VPS35: variants seen among roughly 807,000 people sequenced by gnomAD.
VPS35 encodes the protein vacuolar protein sorting-associated protein 35.
A neutral mutation model predicts 98.1 loss-of-function variants in VPS35; 21 were observed. The ratio of observed to expected loss-of-function variants is 0.21; its 90% CI spans 0.15 to 0.31. The LOEUF (loss-of-function observed/expected upper bound fraction) is 0.31, where lower values mean the gene tolerates loss of function less well. Among genes scored for constraint, VPS35 ranks in the 10% least tolerant of loss-of-function variants. The pLI is 1.00. For missense variants in VPS35, 554 were observed against 950.8 expected, an observed-to-expected ratio of 0.58 and a Z score of 5.49; for synonymous variants, 268 against 318.2, an observed-to-expected ratio of 0.84 and a Z score of 1.68.
chr16:46,674,729 ATCTTATTCTTTAT>A, intron 8 of VPS35, 69 bp from the exon 9 acceptor site: 2 of 1,271,268 alleles, frequency 1.6e-6, no homozygotes, highest in Admixed American at 4.7e-5. Flanking sequence ...CATGGATGAC[ATCTTATTCTTTAT>A]TGCTTTTCTA....
At chr16:46,681,316 A>T in intron 4 of VPS35, 61 bp downstream of exon 4, 5 of 1,607,880 alleles carry the variant, frequency 3.1e-6, no homozygotes, top group Non-Finnish European at 4.3e-6. Flanking sequence ...GATAATCATA[A>T]AAGACGTAAC....
At chr16:46,665,828 T>C (rs377121681) in intron 13 of VPS35, among the ~76,000 whole-genome samples, 3 of 152,318 alleles carry the variant, frequency 2.0e-5, no homozygotes, top group East Asian at 3.9e-4. Flanking sequence ...TCTCCCTCTG[T>C]CACCCAGGCT....
chr16:46,671,293 T>C (rs981435630), intron 12 of VPS35, among the ~76,000 whole-genome samples: 1 of 152,192 alleles, frequency 6.6e-6, no homozygotes, highest in African/African-American at 2.4e-5. Flanking sequence ...AAGCAATACA[T>C]AGTTCAGAAA....
At position 46,656,731 on chromosome 16, in the gene VPS35, G is replaced by C. The variant is rs1965847155; in HGVS notation, c.*3741C>G. 6.6e-6 allele frequency: 1 copy of C among 152,318 alleles called. No homozygotes were observed. The highest frequency in any genetic ancestry group is 2.4e-5 in the African/African-American group (1 of 41,442). The allele number at this position is 152,318 out of a possible 1,614,324, so 9.4% of individuals were successfully genotyped here. On this transcript the variant is annotated 3_prime_UTR_variant, in exon 17 of 17. Transcript: ENST00000299138. ...GTGGTACAATATACAATCTGGCTGG[G>C]CAAGGTGGCTCATGCCTGTAATTCC...
intron 5 of VPS35, 44 bp downstream of exon 5, chr16:46,680,627 A>G: frequency 1.3e-6 from 2 of 1,595,406 alleles, no homozygotes; most frequent in Non-Finnish European, 1.7e-6. Context: ...ACATTCTACA[A>G]TGAAAGAAAT....
intron 14 of VPS35, 25 bp from the exon 15 acceptor site, chr16:46,662,507 C>T: frequency 6.2e-7 from 1 of 1,611,980 alleles, no homozygotes; most frequent in Non-Finnish European, 8.5e-7. Context: ...GCAGAAAGGA[C>T]TTTCAAGGAC....
chr16:46,660,366 A>G lies in VPS35; in HGVS notation c.*106T>C. 1 of 1,425,188 alleles carries G rather than the reference A, an allele frequency of 7.0e-7. No individual in the cohort carries two copies. The highest frequency in any genetic ancestry group is 9.8e-7 in the Non-Finnish European group (1 of 1,023,070). 88.3% of individuals were successfully genotyped at this position (1,425,188 alleles called of 1,614,324 possible). A position where few individuals can be genotyped will look rare whatever the true frequency, so the allele number is the denominator to read the frequency against. ...ACACATCACAGGTAAGAAATGGGAAACCTACCTCAGCATTTCTGAAAGGCA... is the reference window on the plus strand; with the variant it reads ...ACACATCACAGGTAAGAAATGGGAAGCCTACCTCAGCATTTCTGAAAGGCA... On this transcript the variant is annotated 3_prime_UTR_variant, in exon 17 of 17. Transcript: ENST00000299138.
chr16:46,660,336 G>A lies in VPS35; in HGVS notation c.*136C>T. 2 of 1,089,084 alleles carry A rather than the reference G, an allele frequency of 1.8e-6. No homozygotes were observed. The highest frequency in any genetic ancestry group is 2.7e-6 in the Non-Finnish European group (2 of 733,700). 67.5% of individuals were successfully genotyped at this position (1,089,084 alleles called of 1,614,324 possible). A position where few individuals can be genotyped will look rare whatever the true frequency, so the allele number is the denominator to read the frequency against. ...GAAGGTGAGTGTCCGGAGGTGCTGGGTAAAACACATCACAGGTAAGAAATG... is the reference window on the plus strand; with the variant it reads ...GAAGGTGAGTGTCCGGAGGTGCTGGATAAAACACATCACAGGTAAGAAATG... On this transcript the variant is annotated 3_prime_UTR_variant, in exon 17 of 17. Transcript: ENST00000299138.
chr16:46,688,170 T>C, intron 1 of VPS35: 1 of 346,128 alleles, frequency 2.9e-6, no homozygotes, highest in Non-Finnish European at 4.1e-6. Context: ...AAGTGAAATC[T>C]GTTTCCAGGC....
At chr16:46,664,006 T>C (rs949153882) in intron 13 of VPS35, among the ~76,000 whole-genome samples, 1 of 150,958 alleles carries the variant, frequency 6.6e-6, no homozygotes, top group Admixed American at 6.6e-5. Flanking sequence ...CCATCACACC[T>C]GGCTGATAAT....
chr16:46,668,221 CCT>C (rs1966017051), intron 13 of VPS35, among the ~76,000 whole-genome samples: 2 of 152,102 alleles, frequency 1.3e-5, no homozygotes, highest in South Asian at 2.1e-4. Context: ...ATGGCAAGAC[CCT>C]GTCTCTACTA....
chr16:46,662,627 A>G, intron 14 of VPS35, 145 bp from the exon 15 acceptor site: 1 of 1,302,356 alleles, frequency 7.7e-7, no homozygotes, highest in Non-Finnish European at 1.1e-6. Flanking sequence ...CTTGAGAGCC[A>G]CAGGACACAA....
intron 1 of VPS35, among the ~76,000 whole-genome samples, chr16:46,687,794 A>G (rs1966342990): frequency 6.6e-6 from 1 of 152,194 alleles, no homozygotes; most frequent in Non-Finnish European, 1.5e-5. Context: ...CACCAAGAAG[A>G]CTAAGCGAGC....
Position 46,676,630 on chromosome 16 carries a change from T to C in VPS35, c.867A>G (p.Leu289=). The change falls in exon 8 of 17, where the codon TTA becomes TTG. Residue 289 remains leucine (L), a synonymous_variant. Transcript: ENST00000299138. ...LNPFLRACAE[L]HQNVNVKNII... ...TGTTCTTCACATTTACATTCTGGTG[T>C]AACTCAGCACAGGCCCGAAGAAAAG... The C allele has an allele frequency of 1.2e-6, 2 of 1,613,092 alleles. No homozygotes were observed. The highest frequency in any genetic ancestry group is 1.1e-5 in the South Asian group (1 of 91,036).
chr16:46,675,726 G>A (rs1966139137), intron 8 of VPS35, among the ~76,000 whole-genome samples: 2 of 152,122 alleles, frequency 1.3e-5, no homozygotes, highest in Middle Eastern at 3.2e-3. Context: ...ATGCTTACAA[G>A]TGTAGGACAG....
intron 6 of VPS35, 100 bp downstream of exon 6, chr16:46,678,842 TG>T: frequency 1.7e-6 from 2 of 1,207,182 alleles, no homozygotes; most frequent in South Asian, 2.8e-5. Flanking sequence ...CATTTTAAGA[TG>T]TTTTTCAATG....
chr16:46,667,833 T>A (rs779139904), intron 13 of VPS35, among the ~76,000 whole-genome samples: 2 of 152,230 alleles, frequency 1.3e-5, no homozygotes, highest in Non-Finnish European at 2.9e-5. Context: ...TTATTGCATA[T>A]GTGTGGGTTT....
At chr16:46,688,595 C>G (rs185298087) in intron 1 of VPS35, 1 of 998,026 alleles carries the variant, frequency 1.0e-6, no homozygotes, top group East Asian at 1.1e-4. Flanking sequence ...CCAGAACTCG[C>G]TGACAAACAC....
At chr16:46,666,531 G>A (rs1965992210) in intron 13 of VPS35, among the ~76,000 whole-genome samples, 2 of 152,004 alleles carry the variant, frequency 1.3e-5, no homozygotes, top group African/African-American at 4.8e-5. Flanking sequence ...GCCTCCCAAA[G>A]TGCTGCGATT....
Sources: allele counts gnomAD v4.1 joint callset (sites outside exome capture counted in the v4.1 genomes callset), GRCh38; gene constraint gnomAD v4.1.1; transcripts MANE v1.5; gene names NCBI Gene and HGNC (gene_info 2026-07-23, HGNC 2026-07-21).